Variants in ADAM2 observed in about 807,000 individuals in gnomAD.
ADAM2 encodes the protein ADAM metallopeptidase domain 2, also known as disintegrin and metalloproteinase domain-containing protein 2.
A neutral mutation model predicts 99.3 loss-of-function variants in ADAM2; 101 were observed. That is an observed-to-expected ratio of 1.02 (90% CI 0.87 to 1.20). The LOEUF (loss-of-function observed/expected upper bound fraction) is 1.20. Among genes scored for constraint, ADAM2 ranks in the 50% most tolerant of loss-of-function variants. ADAM2 has a pLI of 0.00. For missense variants in ADAM2, 948 were observed against 878.7 expected (o/e 1.08, Z -1.00); for synonymous variants, 323 against 287.6 (o/e 1.12, Z -1.25).
intron 2 of ADAM2, 40 bp downstream of exon 2, chr8:39,837,096 C>A: frequency 2.7e-6 from 4 of 1,480,786 alleles, no homozygotes; most frequent in Non-Finnish European, 2.8e-6. Flanking sequence ...AAAATCTTTA[C>A]ATCATTTTAA....
chr8:39,764,766 C>A (rs1352143053), intron 14 of ADAM2, among the ~76,000 whole-genome samples: 3 of 152,126 alleles, frequency 2.0e-5, no homozygotes, highest in Non-Finnish European at 4.4e-5. Flanking sequence ...GTAATCCCAG[C>A]ACTTCGGGAG....
At position 39,763,361 on chromosome 8, in the gene ADAM2, G is replaced by T. The variant is rs370358707; in HGVS notation, c.1508-2080C>A. On this transcript the variant is annotated intron_variant, in intron 14 of 20. Transcript: ENST00000265708. ...GCAAAAACTGCATCCTGGGATACTGGTTAGAACATCCTGCAGCAAGGAGGT... is the reference window on the plus strand; with the variant it reads ...GCAAAAACTGCATCCTGGGATACTGTTTAGAACATCCTGCAGCAAGGAGGT... 7.9e-5 allele frequency among the ~76,000 whole-genome samples: 12 copies of T among 152,294 alleles called. 1 individual carries two copies. Among genetic ancestry groups the T allele is most frequent in the African/African-American group, 2.4e-4 (10 of 41,568 alleles).
chr8:39,813,092 A>G (rs1206477935), intron 6 of ADAM2, among the ~76,000 whole-genome samples: 8 of 152,164 alleles, frequency 5.3e-5, no homozygotes, highest in Admixed American at 2.6e-4. Context: ...AAACAACCCC[A>G]TCAAAAAGTG....
Position 39,809,397 on chromosome 8 carries a change from A to C in ADAM2, c.570+13T>G. ...AAATATTAAGGGACATAAATAAATC[A>C]GAATATACTTACCAATTGTTTTTCA... On this transcript the variant is annotated intron_variant, in intron 7 of 20. Coordinates refer to ENST00000265708, the MANE Select transcript of ADAM2 (RefSeq NM_001464.5). 1.0e-6 allele frequency: 1 copy of C among 999,520 alleles called. No homozygotes were observed. The highest frequency in any genetic ancestry group is 1.6e-6 in the Non-Finnish European group (1 of 642,858). 61.9% of individuals were successfully genotyped at this position (999,520 alleles called of 1,614,324 possible). A position where few individuals can be genotyped will look rare whatever the true frequency, so the allele number is the denominator to read the frequency against.
At chr8:39,823,228 C>T (rs1805269676) in intron 4 of ADAM2, among the ~76,000 whole-genome samples, 1 of 152,174 alleles carries the variant, frequency 6.6e-6, no homozygotes, top group African/African-American at 2.4e-5. Flanking sequence ...AGGGAACAAA[C>T]TCTTTCCTGG....
intron 20 of ADAM2, 61 bp downstream of exon 20, chr8:39,744,769 T>A: frequency 8.9e-7 from 1 of 1,128,856 alleles, no homozygotes; most frequent in African/African-American, 1.6e-5. Flanking sequence ...ACCTGCACAT[T>A]CTGCACCTGT....
chr8:39,769,935 T>G (rs1191440825), intron 11 of ADAM2, among the ~76,000 whole-genome samples: 1 of 135,306 alleles, frequency 7.4e-6, no homozygotes, highest in East Asian at 2.3e-4. Flanking sequence ...CAGGCTTTTC[T>G]TTTTTTTCTT....
At chr8:39,753,627 C>G (rs1366495001) in intron 16 of ADAM2, among the ~76,000 whole-genome samples, 2 of 152,158 alleles carry the variant, frequency 1.3e-5, no homozygotes, top group South Asian at 2.1e-4. Context: ...GGCCCAGGGT[C>G]CCCCTGCTCT....
chr8:39,749,709 G>A lies in ADAM2; in HGVS notation c.1833C>T (p.Tyr611=), dbSNP rs766879974. The change falls in exon 17 of 21, where the codon TAC becomes TAT. Residue 611 remains tyrosine, a synonymous_variant. Transcript: ENST00000265708. ...CRNQRCVSSS[Y]LGYDCTTDKC... Reference sequence around the variant, plus strand: ...TGTCAGTAGTACAATCATAACCCAAGTATGAAGAACTCACACATCTTTGAT... The same window carrying A: ...TGTCAGTAGTACAATCATAACCCAAATATGAAGAACTCACACATCTTTGAT... 8 of 1,612,294 alleles carry A rather than the reference G, an allele frequency of 5.0e-6. No individual in the cohort carries two copies. Among genetic ancestry groups the A allele is most frequent in the East Asian group, 4.5e-5 (2 of 44,820 alleles).
chr8:39,763,990 A>T (rs755022473), intron 14 of ADAM2, among the ~76,000 whole-genome samples: 11 of 152,216 alleles, frequency 7.2e-5, no homozygotes. Flanking sequence ...CAGTCACAAA[A>T]TGATTAGCTG....
intron 19 of ADAM2, 113 bp downstream of exon 19, chr8:39,746,353 AATTCCC>A: frequency 1.4e-6 from 1 of 740,498 alleles, no homozygotes; most frequent in South Asian, 2.4e-5. Context: ...TGAGTTATTA[AATTCCC>A]ATATAAAGAC....
At chr8:39,832,618 G>A (rs1335706573) in intron 3 of ADAM2, among the ~76,000 whole-genome samples, 1 of 152,000 alleles carries the variant, frequency 6.6e-6, no homozygotes, top group Admixed American at 6.6e-5. Context: ...TTACAATAAC[G>A]TTTTGAATGT....
intron 7 of ADAM2, among the ~76,000 whole-genome samples, chr8:39,794,418 G>A (rs1586112013): frequency 6.6e-6 from 1 of 152,228 alleles, no homozygotes; most frequent in African/African-American, 2.4e-5. Flanking sequence ...GCTATAGCAT[G>A]CTGGTTTATT....
chr8:39,833,906 G>T (rs2061968925), intron 3 of ADAM2, 38 bp downstream of exon 3: 1 of 1,109,736 alleles, frequency 9.0e-7, no homozygotes. Flanking sequence ...ATTATAAGTA[G>T]AACAAAGAGA....
chr8:39,829,286 G>T lies in ADAM2; in HGVS notation c.189-4389C>A, dbSNP rs1805529014. On this transcript the variant is annotated intron_variant, in intron 3 of 20. Coordinates refer to ENST00000265708, the MANE Select transcript of ADAM2 (RefSeq NM_001464.5). ...ATTATCTTTACCAAATACCATAAGT[G>T]TGAAAACACAAGGAGAGAAAAGGTC... 1.3e-5 allele frequency among the ~76,000 whole-genome samples: 2 copies of T among 151,940 alleles called. 1 individual carries two copies. Among genetic ancestry groups the T allele is most frequent in the South Asian group, 4.1e-4 (2 of 4,826 alleles).
At chr8:39,791,036 ATATAAT>A (rs995507141) in intron 7 of ADAM2, among the ~76,000 whole-genome samples, 6 of 151,902 alleles carry the variant, frequency 3.9e-5, no homozygotes, top group African/African-American at 7.2e-5. Flanking sequence ...AAATATAGAA[ATATAAT>A]TATAACACTT....
intron 20 of ADAM2, 44 bp downstream of exon 20, chr8:39,744,786 G>T: frequency 1.5e-6 from 2 of 1,299,562 alleles, no homozygotes; most frequent in East Asian, 2.3e-5. Context: ...CTGTGTCCCA[G>T]TACTTAAAGT....
At chr8:39,791,628 G>A (rs117451971) in intron 7 of ADAM2, among the ~76,000 whole-genome samples, 195 of 152,030 alleles carry the variant, frequency 1.3e-3, no homozygotes, top group Middle Eastern at 3.4e-3. Flanking sequence ...TACTCTCTTC[G>A]TTGAGCTCTC....
chr8:39,822,851 C>G (rs1805253546), intron 4 of ADAM2, among the ~76,000 whole-genome samples: 1 of 152,038 alleles, frequency 6.6e-6, no homozygotes, highest in Non-Finnish European at 1.5e-5. Context: ...TCACTGCAAT[C>G]TCCTCCACCT....
Sources: allele counts gnomAD v4.1 joint callset (sites outside exome capture counted in the v4.1 genomes callset), GRCh38; gene constraint gnomAD v4.1.1; transcripts MANE v1.5; gene names NCBI Gene and HGNC (gene_info 2026-07-23, HGNC 2026-07-21).